Variants in ZNF407 observed in about 807,000 individuals in gnomAD.
ZNF407 encodes the protein zinc finger protein 407.
A neutral mutation model predicts 131.2 loss-of-function variants in ZNF407; 17 were observed. The ratio of observed to expected loss-of-function variants is 0.13; its 90% CI spans 0.09 to 0.19. ZNF407 has a LOEUF of 0.19. Among genes scored for constraint, ZNF407 ranks in the 10% least tolerant of loss-of-function variants. The pLI, the probability that ZNF407 is intolerant of heterozygous loss-of-function variation, is 1.00. For missense variants in ZNF407, 2,681 were observed against 2,830.6 expected (o/e 0.95, Z 1.20); for synonymous variants, 1,156 against 1,062.0 (o/e 1.09, Z -1.72).
At chr18:75,004,878 C>T (rs1430097643) in intron 8 of ZNF407, among the ~76,000 whole-genome samples, 4 of 152,196 alleles carry the variant, frequency 2.6e-5, no homozygotes, top group Admixed American at 1.3e-4. Context: ...TCGGCCCCAC[C>T]GCACTTAGAG....
At chr18:74,874,418 A>G (rs1210769907) in intron 4 of ZNF407, among the ~76,000 whole-genome samples, 1 of 152,222 alleles carries the variant, frequency 6.6e-6, no homozygotes, top group African/African-American at 2.4e-5. Context: ...ATAGAAAAGC[A>G]TTTAAAACAT....
At chr18:74,882,258 C>T (rs1971249265) in intron 6 of ZNF407, among the ~76,000 whole-genome samples, 1 of 152,126 alleles carries the variant, frequency 6.6e-6, no homozygotes, top group Non-Finnish European at 1.5e-5. Context: ...GTGCCTGGGA[C>T]AGTGCTAATT....
chr18:74,805,116 G>C (rs1970089680), intron 4 of ZNF407, among the ~76,000 whole-genome samples: 1 of 152,170 alleles, frequency 6.6e-6, no homozygotes, highest in African/African-American at 2.4e-5. Context: ...TGTGTTATAG[G>C]AGGTGCATTT....
chr18:74,739,142 T>TG (rs1968489767), intron 3 of ZNF407, among the ~76,000 whole-genome samples: 2 of 151,918 alleles, frequency 1.3e-5, no homozygotes, highest in Non-Finnish European at 2.9e-5. Flanking sequence ...AGATGTGGTA[T>TG]ACATCTTTTT....
At chr18:74,730,426 C>T (rs1329501229) in intron 3 of ZNF407, among the ~76,000 whole-genome samples, 1 of 152,204 alleles carries the variant, frequency 6.6e-6, no homozygotes. Flanking sequence ...GGATGTTTCA[C>T]TTTTCCTCCT....
At chr18:74,785,138 C>T (rs1160249274) in intron 4 of ZNF407, among the ~76,000 whole-genome samples, 1 of 152,166 alleles carries the variant, frequency 6.6e-6, no homozygotes, top group African/African-American at 2.4e-5. Context: ...TTTCATAACC[C>T]AGGAAAAGTA....
At chr18:74,828,741 C>T (rs1201924757) in intron 4 of ZNF407, among the ~76,000 whole-genome samples, 1 of 152,166 alleles carries the variant, frequency 6.6e-6, no homozygotes, top group Non-Finnish European at 1.5e-5. Context: ...TCTCGTTGCA[C>T]TCTTTTAAAA....
chr18:74,743,351 G>A (rs1173342591), intron 3 of ZNF407, among the ~76,000 whole-genome samples: 2 of 151,952 alleles, frequency 1.3e-5, no homozygotes, highest in African/African-American at 4.8e-5. Flanking sequence ...GATTTATCTT[G>A]TCTTGTCAGA....
intron 1 of ZNF407, among the ~76,000 whole-genome samples, chr18:74,601,854 T>C (rs991934204): frequency 6.6e-6 from 1 of 152,152 alleles, no homozygotes; most frequent in Non-Finnish European, 1.5e-5. Context: ...CCAAACTGTT[T>C]CGAGGGGAAT....
chr18:74,650,600 G>T (rs576927630), intron 3 of ZNF407, among the ~76,000 whole-genome samples: 2 of 152,222 alleles, frequency 1.3e-5, no homozygotes, highest in East Asian at 3.9e-4. Flanking sequence ...ACACTTTAGG[G>T]TGGGCTCATG....
intron 4 of ZNF407, among the ~76,000 whole-genome samples, chr18:74,821,652 T>G (rs1568230140): frequency 2.0e-5 from 3 of 152,364 alleles, no homozygotes; most frequent in Middle Eastern, 3.4e-3. Context: ...TGCCACATTT[T>G]CTTTATCCAG....
rs118160807 is a variant in ZNF407 at position 74,738,135 on chromosome 18, C to T, written c.4803-43293C>T. Among the ~76,000 whole-genome samples, 105 of 151,974 alleles carry T rather than the reference C, an allele frequency of 6.9e-4. 3 individuals are homozygous for T. The East Asian group carries it at 0.015, about 22-fold the overall frequency. On this transcript the variant is annotated intron_variant, in intron 3 of 8. Transcript: ENST00000299687. ...ATTCACTGTTCAATTAAAAAGGGGA[C>T]GTTGGGCCAGGTGCGGTGGCTCACA...
chr18:74,626,978 A>G (rs532513410), intron 1 of ZNF407, among the ~76,000 whole-genome samples: 2 of 151,950 alleles, frequency 1.3e-5, no homozygotes, highest in East Asian at 3.9e-4. Flanking sequence ...TTTTCTCTCC[A>G]CTTTTCTCCT....
intron 8 of ZNF407, among the ~76,000 whole-genome samples, chr18:75,045,732 C>T (rs1424332452): frequency 2.0e-5 from 3 of 152,086 alleles, no homozygotes; most frequent in Non-Finnish European, 2.9e-5. Flanking sequence ...ATGGAAACTT[C>T]GATGTTGAGA....
chr18:74,615,574 A>C (rs1983250005), intron 1 of ZNF407, among the ~76,000 whole-genome samples: 1 of 152,184 alleles, frequency 6.6e-6, no homozygotes, highest in African/African-American at 2.4e-5. Flanking sequence ...GAGGGCATTA[A>C]ATTCTTGTTG....
intron 3 of ZNF407, among the ~76,000 whole-genome samples, chr18:74,746,152 C>G (rs1259897470): frequency 5.3e-5 from 8 of 152,084 alleles, no homozygotes; most frequent in Non-Finnish European, 8.8e-5. Flanking sequence ...GCGAGTGTAC[C>G]TAAACATAGA....
chr18:74,992,131 G>T (rs534822195), intron 8 of ZNF407, among the ~76,000 whole-genome samples: 1 of 152,310 alleles, frequency 6.6e-6, no homozygotes, highest in African/African-American at 2.4e-5. Flanking sequence ...GCCAGCTGCT[G>T]TTCTGAGTGC....
intron 3 of ZNF407, among the ~76,000 whole-genome samples, chr18:74,780,209 A>T (rs1969571590): frequency 6.6e-6 from 1 of 152,210 alleles, no homozygotes; most frequent in Non-Finnish European, 1.5e-5. Flanking sequence ...TGAATAAAGA[A>T]GTCATGGTCA....
At chr18:74,776,076 C>T (rs1969464837) in intron 3 of ZNF407, among the ~76,000 whole-genome samples, 1 of 152,140 alleles carries the variant, frequency 6.6e-6, no homozygotes, top group Admixed American at 6.5e-5. Context: ...ATACCTAATC[C>T]CCAGTGCCAT....
Sources: allele counts gnomAD v4.1 joint callset (sites outside exome capture counted in the v4.1 genomes callset), GRCh38; gene constraint gnomAD v4.1.1; transcripts MANE v1.5; gene names NCBI Gene and HGNC (gene_info 2026-07-23, HGNC 2026-07-21).